ACTL8: variants seen among roughly 807,000 people sequenced by gnomAD.
ACTL8 encodes the protein actin like 8.
In ACTL8, 3 loss-of-function variants were observed where a neutral mutation model predicts 9.3. That is an observed-to-expected ratio of 0.32 (90% CI 0.15 to 0.83). The LOEUF (loss-of-function observed/expected upper bound fraction) is 0.83. ACTL8 is among the 40% of genes least tolerant of loss of function. The pLI is 0.57. For synonymous variants in ACTL8, 224 were observed against 205.9 expected (o/e 1.09, Z -0.75); for missense variants, 381 against 492.2 (o/e 0.77, Z 2.14).
At chr1:17,761,784 T>C (rs1293240597) in intron 1 of ACTL8, among the ~76,000 whole-genome samples, 1 of 152,156 alleles carries the variant, frequency 6.6e-6, no homozygotes, top group Admixed American at 6.5e-5. Context: ...TTGGCCAGGC[T>C]TGTCTCGAAC....
In ACTL8 at chr1:17,801,938, C is replaced by T. The variant is rs547880945; in HGVS notation, c.-24-21047C>T. The stretch of plus-strand genomic sequence containing the variant: ...ATCTACAGATGGGTATATGAAGGGT[C>T]ATATGAATTGTTCAGGGTTTCGAAA... On this transcript the variant is annotated intron_variant, in intron 1 of 2. Coordinates refer to ENST00000375406, the MANE Select transcript of ACTL8 (RefSeq NM_030812.3). 2.6e-5 allele frequency among the ~76,000 whole-genome samples: 4 copies of T among 152,288 alleles called. No homozygotes were observed. The South Asian group carries it at 6.2e-4, about 24-fold the overall frequency.
At chr1:17,785,002 C>T (rs1015615347) in intron 1 of ACTL8, among the ~76,000 whole-genome samples, 5 of 151,994 alleles carry the variant, frequency 3.3e-5, no homozygotes, top group African/African-American at 9.7e-5. Flanking sequence ...TGAGCTTGGG[C>T]GGTAGAACTC....
At chr1:17,805,174 A>G (rs1478772682) in intron 1 of ACTL8, among the ~76,000 whole-genome samples, 1 of 152,002 alleles carries the variant, frequency 6.6e-6, no homozygotes, top group Non-Finnish European at 1.5e-5. Flanking sequence ...GCATTTGCCC[A>G]GAACCCTGCC....
chr1:17,811,594 T>C (rs2066393019), intron 1 of ACTL8, among the ~76,000 whole-genome samples: 1 of 152,228 alleles, frequency 6.6e-6, no homozygotes, highest in East Asian at 1.9e-4. Flanking sequence ...CTGTTTTATA[T>C]CTATATTTTA....
chr1:17,758,255 T>G (rs2065980179), intron 1 of ACTL8, among the ~76,000 whole-genome samples: 1 of 152,124 alleles, frequency 6.6e-6, no homozygotes, highest in Non-Finnish European at 1.5e-5. Context: ...GGGCACACAT[T>G]GGAGAGGGTA....
rs1461580655 is a variant in ACTL8, at chr1:17,823,176, C to T, written c.168C>T (p.Asp56=). 7 of 1,614,064 alleles carry T rather than the reference C, an allele frequency of 4.3e-6. No homozygotes were observed. Residue 56 remains aspartate (D), a synonymous_variant, in exon 2 of 3, where the codon GAC becomes GAT. Coordinates refer to ENST00000375406, the MANE Select transcript of ACTL8 (RefSeq NM_030812.3). The surrounding 1 kb of genome is among the most constrained non-coding windows in gnomAD (Gnocchi z 5.3). ...YARRRVSLGI[D]ICHPDTFSYP... is the part of the protein sequence containing the mutation. ...GTAGGCGTGTGAGCCTGGGCATCGA[C>T]ATTTGCCATCCTGACACCTTTAGCT...
In ACTL8 at chr1:17,762,884, G is replaced by A. The variant is rs1403737693; in HGVS notation, c.-25+7380G>A. ...TCCCGGGGACTCAGTTTTCCTCTGC[G>A]TCCATGGGGGTGGTAGGGCTGCCTG... On this transcript the variant is annotated intron_variant, in intron 1 of 2. Transcript: ENST00000375406. Among the ~76,000 whole-genome samples, 5 of 152,256 alleles carry A rather than the reference G, an allele frequency of 3.3e-5. No homozygotes were observed. In the South Asian group the frequency reaches 6.2e-4, roughly 19 times the overall value.
intron 1 of ACTL8, among the ~76,000 whole-genome samples, chr1:17,781,929 TG>T (rs1424931897): frequency 6.6e-6 from 1 of 152,038 alleles, no homozygotes; most frequent in African/African-American, 2.4e-5. Flanking sequence ...AAGGGGAATG[TG>T]GAGAATGGGC....
intron 1 of ACTL8, among the ~76,000 whole-genome samples, chr1:17,813,643 G>A (rs2124185318): frequency 6.6e-6 from 1 of 152,240 alleles, no homozygotes; most frequent in East Asian, 1.9e-4. Flanking sequence ...AAACTGAGTT[G>A]GGGTGTGTTG....
At chr1:17,816,713 GGT>G (rs945708323) in intron 1 of ACTL8, among the ~76,000 whole-genome samples, 1 of 152,032 alleles carries the variant, frequency 6.6e-6, no homozygotes, top group Non-Finnish European at 1.5e-5. Context: ...TACTGCCATG[GGT>G]GTGTCCCAGC....
chr1:17,788,996 T>G (rs945378356), intron 1 of ACTL8, among the ~76,000 whole-genome samples: 1 of 152,244 alleles, frequency 6.6e-6, no homozygotes, highest in Non-Finnish European at 1.5e-5. Flanking sequence ...TGAGAAGACC[T>G]GCAGAGTGCA....
intron 1 of ACTL8, among the ~76,000 whole-genome samples, chr1:17,800,583 C>CTTTTT (rs59143238): frequency 2.9e-4 from 20 of 69,160 alleles, no homozygotes; most frequent in East Asian, 5.3e-4. Context: ...TGGTGTCAAT[C>CTTTTT]TTTTTTTTTT....
At chr1:17,783,427 T>G (rs2066171787) in intron 1 of ACTL8, among the ~76,000 whole-genome samples, 1 of 151,824 alleles carries the variant, frequency 6.6e-6, no homozygotes, top group African/African-American at 2.4e-5. Flanking sequence ...CTGGAGGCTG[T>G]CTGTGTGAAG....
At chr1:17,756,363 T>C (rs1423202791) in intron 1 of ACTL8, among the ~76,000 whole-genome samples, 1 of 151,954 alleles carries the variant, frequency 6.6e-6, no homozygotes, top group Non-Finnish European at 1.5e-5. Context: ...TTGAGAGCTT[T>C]GTCCAGCTCT....
intron 1 of ACTL8, among the ~76,000 whole-genome samples, chr1:17,762,443 G>A (rs12086420): frequency 0.033 from 5,011 of 152,174 alleles, 196 homozygotes; most frequent in African/African-American, 0.092. Flanking sequence ...CTGTGGCTAC[G>A]CTTTCAGACC....
rs1188950286 is a variant in ACTL8 at position 17,767,216 on chromosome 1, T to A, written c.-25+11712T>A. ...GCGGTGGGACTGTGGAGGCCTGCTCTGGAAACAGTGAGGAGGGCATCAGGA... is the reference window on the plus strand; with the variant it reads ...GCGGTGGGACTGTGGAGGCCTGCTCAGGAAACAGTGAGGAGGGCATCAGGA... On this transcript the variant is annotated intron_variant, in intron 1 of 2. Coordinates refer to ENST00000375406, the MANE Select transcript of ACTL8 (RefSeq NM_030812.3). This position sits in a 1 kb window ranked among gnomAD's most constrained non-coding sequence, Gnocchi z 4.7. 6.6e-6 allele frequency among the ~76,000 whole-genome samples: 1 copy of A among 151,976 alleles called. No homozygotes were observed. The highest frequency in any genetic ancestry group is 1.5e-5 in the Non-Finnish European group (1 of 67,986).
chr1:17,792,745 CTT>C (rs2066249326), intron 1 of ACTL8, among the ~76,000 whole-genome samples: 1 of 152,302 alleles, frequency 6.6e-6, no homozygotes, highest in East Asian at 1.9e-4. Flanking sequence ...ATCGTGATGA[CTT>C]TTCTTGACAT....
chr1:17,819,734 A>AT (rs201813102), intron 1 of ACTL8, among the ~76,000 whole-genome samples: 35 of 151,942 alleles, frequency 2.3e-4, no homozygotes, highest in East Asian at 3.9e-4. Flanking sequence ...TTCCCTTAAA[A>AT]TTTTTTTTTA....
Position 17,826,027 on chromosome 1 carries a change from AG to A in ACTL8, c.610del (p.Val204SerfsTer3), listed in dbSNP as rs1167991550. On this transcript the variant is annotated frameshift_variant, in exon 3 of 3. Transcript: ENST00000375406. LOFTEE classifies it low-confidence loss of function (END_TRUNC). This position sits in a 1 kb window ranked among gnomAD's most constrained non-coding sequence, Gnocchi z 4.5. ...DRRCLFQLET[V>X]AVTQMNKCYV... ...GACGCTGCCTGTTTCAGCTGGAGAC[AG>A]TCGCCGTGACTCAGATGAACAAGTG... 4.4e-6 allele frequency: 7 copies of A among 1,606,496 alleles called. No individual in the cohort carries two copies. The highest frequency in any genetic ancestry group is 5.9e-6 in the Non-Finnish European group (7 of 1,179,982).
Sources: gnomAD v4.1 joint callset for allele counts (sites outside exome capture counted in the v4.1 genomes callset) on GRCh38, gnomAD v4.1.1 for gene constraint, Gnocchi (gnomAD v3.1) non-coding constraint, MANE v1.5 for transcripts, NCBI Gene and HGNC (gene_info 2026-07-23, HGNC 2026-07-21) for gene names.